The following STPG2 variants were observed in gnomAD, a reference collection of about 807,000 sequenced individuals.
STPG2 encodes sperm-tail PG-rich repeat-containing protein 2.
In STPG2, 56 loss-of-function variants were observed where a neutral mutation model predicts 54.2. That is an observed-to-expected ratio of 1.03 (90% CI 0.83 to 1.29). The LOEUF is 1.29. Ranked by LOEUF, STPG2 falls within the 50% of genes most tolerant of loss-of-function variation. STPG2 has a pLI of 0.00. For missense variants in STPG2, 596 were observed against 544.9 expected, an observed-to-expected ratio of 1.09 and a Z score of -0.93; for synonymous variants, 200 against 181.8, an observed-to-expected ratio of 1.10 and a Z score of -0.81.
At chr4:97,832,018 T>C (rs1578603077) in intron 9 of STPG2, among the ~76,000 whole-genome samples, 2 of 152,248 alleles carry the variant, frequency 1.3e-5, no homozygotes, top group Admixed American at 6.5e-5. Flanking sequence ...AACTCATTTA[T>C]TGAGGCCAGA....
intron 8 of STPG2, among the ~76,000 whole-genome samples, chr4:97,924,703 AT>A (rs1484164033): frequency 6.6e-6 from 1 of 152,232 alleles, no homozygotes; most frequent in Non-Finnish European, 1.5e-5. Context: ...GTCATGTTTT[AT>A]TCGTCATAAA....
chr4:97,681,167 G>T (rs1723021886), intron 10 of STPG2, among the ~76,000 whole-genome samples: 1 of 151,768 alleles, frequency 6.6e-6, no homozygotes, highest in South Asian at 2.1e-4. Flanking sequence ...TAGTGATGAT[G>T]AAAATTTTTT....
At chr4:97,454,860 G>A (rs1397602926) in intron 4 of STPG2, among the ~76,000 whole-genome samples, 1 of 152,064 alleles carries the variant, frequency 6.6e-6, no homozygotes, top group Non-Finnish European at 1.5e-5. Context: ...TCCTGACAAT[G>A]TTTTAGAAAT....
chr4:97,539,686 A>G (rs1194058755), intron 4 of STPG2, among the ~76,000 whole-genome samples: 1 of 152,170 alleles, frequency 6.6e-6, no homozygotes, highest in East Asian at 1.9e-4. Context: ...CTCTGCACCT[A>G]ATAGACCTAA....
At chr4:97,532,854 G>C (rs1731444149) in intron 4 of STPG2, among the ~76,000 whole-genome samples, 1 of 152,112 alleles carries the variant, frequency 6.6e-6, no homozygotes, top group Non-Finnish European at 1.5e-5. Context: ...AACAATGGTT[G>C]AGAAATGCCC....
chr4:97,769,078 G>A (rs1726143438), intron 9 of STPG2, among the ~76,000 whole-genome samples: 1 of 152,140 alleles, frequency 6.6e-6, no homozygotes, highest in East Asian at 1.9e-4. Context: ...GAGAGGGAAT[G>A]AGGTGTGTCC....
chr4:97,891,136 T>A (rs1421014620), intron 8 of STPG2, among the ~76,000 whole-genome samples: 1 of 152,076 alleles, frequency 6.6e-6, no homozygotes, highest in Non-Finnish European at 1.5e-5. Context: ...CTATTAGACA[T>A]ACTAAATTCT....
At position 98,014,889 on chromosome 4, in the gene STPG2, G is replaced by A. The variant is rs59567994; in HGVS notation, c.613-33571C>T. Among the ~76,000 whole-genome samples, 684 of 152,044 alleles carry A rather than the reference G, an allele frequency of 4.5e-3. 15 individuals are homozygous for A. Among genetic ancestry groups the A allele is most frequent in the Admixed American group, 0.037 (565 of 15,252 alleles). Reference sequence around the variant, plus strand: ...AGCTTTGGAAGGTATAATATTCTTCGTTGACATTTTTTTTCTTTCAGCATT... The same window carrying A: ...AGCTTTGGAAGGTATAATATTCTTCATTGACATTTTTTTTCTTTCAGCATT... On this transcript the variant is annotated intron_variant, in intron 5 of 10. Transcript: ENST00000295268.
At chr4:98,091,532 A>G (rs561062869) in intron 5 of STPG2, among the ~76,000 whole-genome samples, 6 of 152,176 alleles carry the variant, frequency 3.9e-5, no homozygotes, top group Admixed American at 3.9e-4. Flanking sequence ...AGCAAAATCA[A>G]CGCATTTCTC....
At position 97,768,080 on chromosome 4, in the gene STPG2, T is replaced by C. The variant is rs1229297805; in HGVS notation, c.1205-55266A>G. Among the ~76,000 whole-genome samples the C allele has an allele frequency of 2.6e-5, 4 of 151,590 alleles. No individual in the cohort carries two copies. In the East Asian group the frequency reaches 7.8e-4, roughly 30 times the overall value. ...TACTCGGGAAGCTGAGGCAGGAGAA[T>C]GTCGTGAACCCAGGAGGCGGATCTT... On this transcript the variant is annotated intron_variant, in intron 9 of 10. Coordinates refer to ENST00000295268, the MANE Select transcript of STPG2 (RefSeq NM_174952.3).
intron 3 of STPG2, among the ~76,000 whole-genome samples, chr4:98,110,892 A>G (rs1646164586): frequency 6.6e-6 from 1 of 152,166 alleles, no homozygotes; most frequent in Non-Finnish European, 1.5e-5. Context: ...TGCAGTAAGT[A>G]GCAACATTAG....
At chr4:97,908,899 C>T (rs1325199864) in intron 8 of STPG2, among the ~76,000 whole-genome samples, 24 of 150,632 alleles carry the variant, frequency 1.6e-4, no homozygotes, top group South Asian at 4.2e-4. Context: ...TAGCATTGGG[C>T]GATATACCTA....
intron 9 of STPG2, among the ~76,000 whole-genome samples, chr4:97,798,897 T>A (rs1278344462): frequency 5.1e-5 from 2 of 39,584 alleles, no homozygotes; most frequent in African/African-American, 2.2e-4. Flanking sequence ...TTTAAGACAG[T>A]TAGCTCTTCT....
intron 8 of STPG2, among the ~76,000 whole-genome samples, chr4:97,889,518 A>G (rs1276312824): frequency 6.6e-6 from 1 of 152,234 alleles, no homozygotes; most frequent in African/African-American, 2.4e-5. Flanking sequence ...TCACAGAAAC[A>G]TGGATGAATC....
intron 9 of STPG2, among the ~76,000 whole-genome samples, chr4:97,837,070 T>C (rs1418242803): frequency 1.3e-5 from 2 of 151,656 alleles, no homozygotes; most frequent in Non-Finnish European, 3.0e-5. Context: ...AAAAACCATA[T>C]AACATTTCTA....
At chr4:97,951,721 G>A (rs1207995278) in intron 7 of STPG2, among the ~76,000 whole-genome samples, 4 of 152,034 alleles carry the variant, frequency 2.6e-5, no homozygotes, top group Non-Finnish European at 5.9e-5. Context: ...GTCTCTTGAA[G>A]CCTACTTCAT....
chr4:98,011,174 T>C (rs946276120), intron 5 of STPG2, among the ~76,000 whole-genome samples: 1 of 152,188 alleles, frequency 6.6e-6, no homozygotes, highest in Non-Finnish European at 1.5e-5. Flanking sequence ...TGAGTTCTCA[T>C]TGTTCAACTC....
intron 9 of STPG2, among the ~76,000 whole-genome samples, chr4:97,751,603 T>C (rs1355907846): frequency 6.6e-6 from 1 of 151,820 alleles, no homozygotes; most frequent in Non-Finnish European, 1.5e-5. Context: ...TAATTAGGTA[T>C]CTTAAGGAGA....
chr4:97,991,127 A>G (rs1319308927), intron 5 of STPG2, among the ~76,000 whole-genome samples: 1 of 151,882 alleles, frequency 6.6e-6, no homozygotes, highest in Non-Finnish European at 1.5e-5. Flanking sequence ...TTGAGTCCTC[A>G]TACCTTAGCT....
Sources: allele counts gnomAD v4.1 joint callset (sites outside exome capture counted in the v4.1 genomes callset), GRCh38; gene constraint gnomAD v4.1.1; transcripts MANE v1.5; gene names NCBI Gene and HGNC (gene_info 2026-07-23, HGNC 2026-07-21).